SUPT20H: variants seen among roughly 807,000 people sequenced by gnomAD.
SUPT20H encodes SPT20 homolog, SAGA complex component.
Under a neutral mutation model 122.8 loss-of-function variants are expected in SUPT20H, and 82 were observed. The observed-to-expected ratio is 0.67, with a 90% CI of 0.56 to 0.80. The LOEUF (loss-of-function observed/expected upper bound fraction) is 0.80. Ranked by LOEUF, SUPT20H falls within the 30% of genes least tolerant of loss-of-function variation. The pLI is 0.00. For missense variants in SUPT20H, 831 were observed against 921.6 expected, an observed-to-expected ratio of 0.90 and a Z score of 1.27; for synonymous variants, 291 against 313.0, an observed-to-expected ratio of 0.93 and a Z score of 0.74.
chr13:37,028,198 T>C lies in SUPT20H; in HGVS notation c.1101A>G (p.Ile367Met), dbSNP rs2062661213. ...TTTCTTCATCTGCTTTACATGGCTG[T>C]ATTTTACCATAGTAAAGTGGATCTC... The part of the protein sequence containing the change: ...SLGDPLYYGK[I>M]QPCKADEESD... The change falls in exon 14 of 26, where the codon ATA becomes ATG. Residue 367 changes from isoleucine to methionine, a missense_variant. Ile to Met is a conservative substitution (Grantham distance 10). Transcript: ENST00000350612. The C allele has an allele frequency of 1.9e-6, 3 of 1,613,538 alleles. No homozygotes were observed. The highest frequency in any genetic ancestry group is 2.5e-6 in the Non-Finnish European group (3 of 1,179,798).
rs116244591 is a variant in SUPT20H at position 37,026,215 on chromosome 13, G to A, written c.1200C>T (p.Thr400=). ...HSNWFIIGSK[T]DAERVVNQYQ... is the part of the protein sequence containing the mutation. ...GCAAATATTTTTACCTCTCAGCATC[G>A]GTCTTTGATCCAATAATGAACCTAA... Residue 400 remains threonine, a synonymous_variant, in exon 16 of 26, where the codon ACC becomes ACT. Transcript: ENST00000350612. 4,305 of 1,541,646 alleles carry A rather than the reference G, an allele frequency of 2.8e-3. 101 individuals are homozygous for A. In the African/African-American group the frequency reaches 0.054, roughly 19 times the overall value.
intron 1 of SUPT20H, among the ~76,000 whole-genome samples, chr13:37,051,952 G>C (rs965295085): frequency 6.6e-6 from 1 of 152,008 alleles, no homozygotes; most frequent in Admixed American, 6.6e-5. Flanking sequence ...TGCCCACTGG[G>C]CTTGATCACT....
intron 7 of SUPT20H, 150 bp downstream of exon 7, chr13:37,043,928 G>T: frequency 1.9e-6 from 1 of 529,202 alleles, no homozygotes; most frequent in Non-Finnish European, 3.3e-6. Context: ...AAAGGCTGTT[G>T]GGAACAGTGA....
chr13:37,016,056 A>G (rs1490206222), intron 23 of SUPT20H, among the ~76,000 whole-genome samples: 1 of 152,198 alleles, frequency 6.6e-6, no homozygotes, highest in Non-Finnish European at 1.5e-5. Context: ...TTGCAAGATG[A>G]AAAAGTTCTA....
At chr13:37,023,810 T>G in intron 19 of SUPT20H, 1 of 379,570 alleles carries the variant, frequency 2.6e-6, no homozygotes, top group Non-Finnish European at 4.6e-6. Context: ...ATAAGAAAGG[T>G]ACACGCAGAA....
intron 9 of SUPT20H, among the ~76,000 whole-genome samples, chr13:37,035,643 G>T (rs985297556): frequency 6.6e-6 from 1 of 151,422 alleles, no homozygotes; most frequent in Non-Finnish European, 1.5e-5. Context: ...ATTGCTACTC[G>T]GCCTAAGCCT....
intron 1 of SUPT20H, among the ~76,000 whole-genome samples, chr13:37,057,689 GAA>G (rs2139561908): frequency 6.6e-6 from 1 of 152,110 alleles, no homozygotes; most frequent in South Asian, 2.1e-4. Context: ...AAAAAATACA[GAA>G]GGCCGGGTGC....
chr13:37,041,517 CAAA>C (rs1320349837), intron 7 of SUPT20H, among the ~76,000 whole-genome samples: 7 of 85,450 alleles, frequency 8.2e-5, no homozygotes, highest in African/African-American at 8.9e-5. Flanking sequence ...GACTCCACCT[CAAA>C]AAAAAAAAAA....
At chr13:37,058,837 TCA>T (rs2069874207) in intron 1 of SUPT20H, among the ~76,000 whole-genome samples, 1 of 152,184 alleles carries the variant, frequency 6.6e-6, no homozygotes, top group African/African-American at 2.4e-5. Context: ...CCAATTCTGC[TCA>T]GAGACGAATA....
At chr13:37,053,522 G>A (rs1008404981) in intron 1 of SUPT20H, among the ~76,000 whole-genome samples, 12 of 151,864 alleles carry the variant, frequency 7.9e-5, no homozygotes, top group Non-Finnish European at 1.5e-4. Flanking sequence ...GGGGCCTGTT[G>A]GGGGGTTGGG....
intron 20 of SUPT20H, among the ~76,000 whole-genome samples, 158 bp downstream of exon 20, chr13:37,021,853 A>G (rs1347321034): frequency 6.6e-6 from 1 of 152,226 alleles, no homozygotes; most frequent in Non-Finnish European, 1.5e-5. Flanking sequence ...ATTTAAAATT[A>G]AAACATACAT....
intron 2 of SUPT20H, among the ~76,000 whole-genome samples, chr13:37,050,951 AGT>A (rs2067551819): frequency 6.6e-6 from 1 of 152,204 alleles, no homozygotes; most frequent in Non-Finnish European, 1.5e-5. Flanking sequence ...AACATTAAAA[AGT>A]GTTTTTCTCC....
chr13:37,053,303 G>A (rs2068148009), intron 1 of SUPT20H, among the ~76,000 whole-genome samples: 1 of 152,164 alleles, frequency 6.6e-6, no homozygotes. Context: ...ACTGGATAAA[G>A]AAAGGGTGGC....
chr13:37,057,711 C>G (rs1464021649), intron 1 of SUPT20H, among the ~76,000 whole-genome samples: 1 of 152,016 alleles, frequency 6.6e-6, no homozygotes, highest in Non-Finnish European at 1.5e-5. Context: ...CAGTGGCTCA[C>G]ACCTATAATC....
Position 37,051,559 on chromosome 13 carries a change from T to C in SUPT20H, c.-69A>G, listed in dbSNP as rs1180620160. Reference sequence around the variant, plus strand: ...CGCTGATGAAGTGGGGTGAACACCATGCCTTTAACATCAATCTTACAGTAC... The same window carrying C: ...CGCTGATGAAGTGGGGTGAACACCACGCCTTTAACATCAATCTTACAGTAC... On this transcript the variant is annotated 5_prime_UTR_variant, in exon 2 of 26. The change abolishes an upstream ATG in the 5' untranslated region. Coordinates refer to ENST00000350612, the MANE Select transcript of SUPT20H (RefSeq NM_001014286.3). 6.9e-7 allele frequency: 1 copy of C among 1,452,530 alleles called. No homozygotes were observed. The highest frequency in any genetic ancestry group is 9.6e-7 in the Non-Finnish European group (1 of 1,043,040). The allele number at this position is 1,452,530 out of a possible 1,614,324, so 90.0% of individuals were successfully genotyped here. A position where few individuals can be genotyped will look rare whatever the true frequency, so the allele number is the denominator to read the frequency against.
chr13:37,049,300 C>G (rs1184790279), intron 2 of SUPT20H, among the ~76,000 whole-genome samples: 1 of 152,118 alleles, frequency 6.6e-6, no homozygotes, highest in Non-Finnish European at 1.5e-5. Flanking sequence ...ACTGTTACTA[C>G]ATGTAAGGTT....
intron 23 of SUPT20H, chr13:37,012,642 C>A: frequency 6.2e-6 from 1 of 161,970 alleles, no homozygotes; most frequent in Non-Finnish European, 1.3e-5. Flanking sequence ...CAGACTAAGT[C>A]AAGAAAAGGA....
intron 5 of SUPT20H, chr13:37,046,728 T>C (rs558330496): frequency 1.3e-5 from 2 of 152,146 alleles, no homozygotes; most frequent in African/African-American, 4.8e-5. Context: ...GGTGTTTCTA[T>C]AATGCACATG....
chr13:37,020,906 G>C (rs1473058838), intron 21 of SUPT20H, among the ~76,000 whole-genome samples: 44 of 152,160 alleles, frequency 2.9e-4, no homozygotes, highest in South Asian at 2.1e-4. Context: ...CTCAGGCACA[G>C]TTTAAACACA....
Sources: gnomAD v4.1 joint callset for allele counts (sites outside exome capture counted in the v4.1 genomes callset) on GRCh38, gnomAD v4.1.1 for gene constraint, MANE v1.5 for transcripts, NCBI Gene and HGNC (gene_info 2026-07-23, HGNC 2026-07-21) for gene names.